The following SEMA3E variants were observed in gnomAD, a reference collection of about 807,000 sequenced individuals.
SEMA3E encodes the protein semaphorin-3E.
A neutral mutation model predicts 93.6 loss-of-function variants in SEMA3E; 49 were observed. The ratio of observed to expected loss-of-function variants is 0.52; its 90% CI spans 0.42 to 0.66. SEMA3E has a LOEUF of 0.66. SEMA3E is among the 30% of genes least tolerant of loss of function. The probability of loss-of-function intolerance (pLI) is 0.00; values close to 1 mark genes in which losing one functional copy is unlikely to be tolerated. For missense variants in SEMA3E, 906 were observed against 964.8 expected (o/e 0.94, Z 0.81); for synonymous variants, 363 against 330.7 (o/e 1.10, Z -1.06).
intron 5 of SEMA3E, among the ~76,000 whole-genome samples, chr7:83,409,295 T>C (rs1198495080): frequency 6.6e-6 from 1 of 152,126 alleles, no homozygotes; most frequent in Non-Finnish European, 1.5e-5. Context: ...CTCTGAAGCA[T>C]AGGGACTTAG....
chr7:83,490,383 A>G (rs1355936630), intron 1 of SEMA3E, 109 bp from the exon 2 acceptor site: 9 of 1,080,660 alleles, frequency 8.3e-6, no homozygotes, highest in African/African-American at 1.6e-5. Context: ...AGTCATTAAC[A>G]TTCATTTTAT....
At chr7:83,540,078 T>C (rs6955777) in intron 1 of SEMA3E, among the ~76,000 whole-genome samples, 107 of 152,298 alleles carry the variant, frequency 7.0e-4, no homozygotes, top group African/African-American at 2.4e-3. Context: ...GAGACGGCGT[T>C]TGCCATGTTG....
At chr7:83,545,594 T>C (rs1791631454) in intron 1 of SEMA3E, among the ~76,000 whole-genome samples, 1 of 121,856 alleles carries the variant, frequency 8.2e-6, no homozygotes, top group African/African-American at 3.9e-5. Context: ...AACAAACAGA[T>C]GTGCCAGTCA....
intron 4 of SEMA3E, 131 bp downstream of exon 4, chr7:83,466,351 T>C (rs1043536182): frequency 2.7e-6 from 3 of 1,100,694 alleles, no homozygotes; most frequent in Admixed American, 2.0e-5. Flanking sequence ...AATTTCTCTG[T>C]CTCAAGCAAA....
intron 1 of SEMA3E, among the ~76,000 whole-genome samples, chr7:83,538,889 T>C (rs1055366331): frequency 6.6e-6 from 1 of 152,194 alleles, no homozygotes; most frequent in Non-Finnish European, 1.5e-5. Context: ...ATCTTTCTTC[T>C]CAATTGTCTA....
At chr7:83,489,813 T>C (rs1197878419) in intron 2 of SEMA3E, among the ~76,000 whole-genome samples, 1 of 152,088 alleles carries the variant, frequency 6.6e-6, no homozygotes, top group Admixed American at 6.6e-5. Flanking sequence ...TTCATCATGC[T>C]CCAAACCTAG....
At chr7:83,547,426 GA>G (rs763767129) in intron 1 of SEMA3E, among the ~76,000 whole-genome samples, 2 of 151,940 alleles carry the variant, frequency 1.3e-5, no homozygotes, top group Non-Finnish European at 2.9e-5. Context: ...ATTTTAACAC[GA>G]AGCCCAAATC....
chr7:83,460,418 T>C (rs1463186164), intron 4 of SEMA3E, among the ~76,000 whole-genome samples: 5 of 151,860 alleles, frequency 3.3e-5, no homozygotes, highest in Admixed American at 3.3e-4. Flanking sequence ...GACCCAAAAC[T>C]CCGGCACGGG....
At chr7:83,631,141 G>T (rs1195999640) in intron 1 of SEMA3E, among the ~76,000 whole-genome samples, 1 of 151,810 alleles carries the variant, frequency 6.6e-6, no homozygotes, top group African/African-American at 2.4e-5. Flanking sequence ...AAAAAATTAA[G>T]ACATTTAAAA....
In SEMA3E at chr7:83,418,189, T is replaced by TAA. The variant is rs1788594298; in HGVS notation, c.550+200_550+201insTT. ...TTTCTCAGAGTGAGACACACACACT[T>TAA]TATAGCATCTGCACTTATTTTAGAG... On this transcript the variant is annotated intron_variant, in intron 5 of 16. Coordinates refer to ENST00000643230, the MANE Select transcript of SEMA3E (RefSeq NM_012431.3). Among the ~76,000 whole-genome samples, 64 of 152,260 alleles carry TAA rather than the reference T, an allele frequency of 4.2e-4. No individual in the cohort carries two copies. In the South Asian group the frequency reaches 0.012, roughly 30 times the overall value.
chr7:83,616,541 A>G (rs1156666369), intron 1 of SEMA3E: 1 of 279,416 alleles, frequency 3.6e-6, no homozygotes, highest in African/African-American at 2.3e-5. Context: ...TTATTCAATG[A>G]TATTCCCTGC....
intron 1 of SEMA3E, among the ~76,000 whole-genome samples, chr7:83,615,338 A>AT (rs778228278): frequency 1.3e-4 from 19 of 151,662 alleles, no homozygotes; most frequent in South Asian, 2.1e-4. Flanking sequence ...TTCATATGAG[A>AT]TTTTTTTTTA....
rs368171744 is a variant in SEMA3E at position 83,364,018 on chromosome 7, C to T, written c.*3568G>A. On this transcript the variant is annotated 3_prime_UTR_variant, in exon 17 of 17. Coordinates refer to ENST00000643230, the MANE Select transcript of SEMA3E (RefSeq NM_012431.3). ...CACGCCATTCTCCTGCCTCAGCCTC[C>T]CAAGTAGCTGGGACTACAGGCGCCC... The T allele has an allele frequency of 1.1e-4, 16 of 150,876 alleles. No individual in the cohort carries two copies. The South Asian group carries it at 3.4e-3, about 32-fold the overall frequency. 9.3% of individuals were successfully genotyped at this position (150,876 alleles called of 1,614,324 possible).
chr7:83,444,327 T>C (rs1460680781), intron 4 of SEMA3E, among the ~76,000 whole-genome samples: 3 of 152,190 alleles, frequency 2.0e-5, no homozygotes. Context: ...AGTAGAGTCA[T>C]GAAGGAAGCA....
At chr7:83,459,685 C>A (rs1328964426) in intron 4 of SEMA3E, among the ~76,000 whole-genome samples, 1 of 152,162 alleles carries the variant, frequency 6.6e-6, no homozygotes, top group Non-Finnish European at 1.5e-5. Context: ...CCTCTGAGCC[C>A]AAGCCAAGCC....
chr7:83,437,517 T>G (rs1789029260), intron 4 of SEMA3E, among the ~76,000 whole-genome samples: 1 of 152,080 alleles, frequency 6.6e-6, no homozygotes, highest in African/African-American at 2.4e-5. Context: ...AAACAAAGGC[T>G]TTCTTTCTTA....
chr7:83,553,573 G>T (rs966397307), intron 1 of SEMA3E, among the ~76,000 whole-genome samples: 5 of 152,068 alleles, frequency 3.3e-5, no homozygotes, highest in African/African-American at 1.2e-4. Flanking sequence ...TCTGGCCTCG[G>T]TGAGTAATCA....
Position 83,472,928 on chromosome 7 carries a change from C to G in SEMA3E, c.277-3626G>C, listed in dbSNP as rs575416117. Among the ~76,000 whole-genome samples the G allele has an allele frequency of 2.6e-5, 4 of 152,262 alleles. No individual in the cohort carries two copies. The East Asian group carries it at 7.7e-4, about 29-fold the overall frequency. ...GCTTGGCACTGCTCCTTCCTGCTACCTTGTGAAAAAGGTGCTTTGTTTCCC... is the reference window on the plus strand; with the variant it reads ...GCTTGGCACTGCTCCTTCCTGCTACGTTGTGAAAAAGGTGCTTTGTTTCCC... On this transcript the variant is annotated intron_variant, in intron 2 of 16. Transcript: ENST00000643230.
chr7:83,565,504 T>C (rs1792127880), intron 1 of SEMA3E, among the ~76,000 whole-genome samples: 1 of 152,128 alleles, frequency 6.6e-6, no homozygotes, highest in African/African-American at 2.4e-5. Flanking sequence ...ACATATATCC[T>C]GGAACTTAAA....
Sources: allele counts gnomAD v4.1 joint callset (sites outside exome capture counted in the v4.1 genomes callset), GRCh38; gene constraint gnomAD v4.1.1; transcripts MANE v1.5; gene names NCBI Gene and HGNC (gene_info 2026-07-23, HGNC 2026-07-21).